Variants in CNTN1 observed in about 807,000 individuals in gnomAD.
CNTN1 encodes contactin 1.
A neutral mutation model predicts 126.4 loss-of-function variants in CNTN1; 38 were observed. The observed-to-expected ratio is 0.30, with a 90% CI of 0.23 to 0.39. The LOEUF (loss-of-function observed/expected upper bound fraction) is 0.39, where lower values mean the gene tolerates loss of function less well. Among genes scored for constraint, CNTN1 ranks in the 10% least tolerant of loss-of-function variants. The probability of loss-of-function intolerance (pLI) is 1.00; values close to 1 mark genes in which losing one functional copy is unlikely to be tolerated. For missense variants in CNTN1, 1,009 were observed against 1,248.4 expected (o/e 0.81, Z 2.89); for synonymous variants, 413 against 422.6 (o/e 0.98, Z 0.28).
chr12:41,016,603 G>A, intron 18 of CNTN1, 79 bp from the exon 19 acceptor site: 1 of 885,994 alleles, frequency 1.1e-6, no homozygotes, highest in Non-Finnish European at 1.9e-6. Context: ...ACGCCTCCGT[G>A]TGTGTCATTA....
intron 1 of CNTN1, among the ~76,000 whole-genome samples, chr12:40,695,130 A>C (rs565493277): frequency 6.6e-6 from 1 of 152,370 alleles, no homozygotes; most frequent in East Asian, 1.9e-4. Context: ...AGTACTTTGC[A>C]GAAAAAGACT....
intron 17 of CNTN1, among the ~76,000 whole-genome samples, chr12:40,996,780 T>C (rs1210557759): frequency 6.6e-6 from 1 of 152,272 alleles, no homozygotes; most frequent in African/African-American, 2.4e-5. Flanking sequence ...TGCCATTTAC[T>C]TGCTTTATTA....
At chr12:40,939,220 C>A (rs1409465789) in intron 11 of CNTN1, 115 bp from the exon 12 acceptor site, 2 of 1,125,406 alleles carry the variant, frequency 1.8e-6, no homozygotes, top group African/African-American at 1.6e-5. Flanking sequence ...ATCATATTTA[C>A]CGAGATTAAT....
intron 3 of CNTN1, among the ~76,000 whole-genome samples, chr12:40,912,855 C>T (rs1157177484): frequency 1.3e-5 from 2 of 152,130 alleles, no homozygotes; most frequent in Admixed American, 1.3e-4. Context: ...TCCCACATAG[C>T]CCCATTAATC....
At chr12:41,023,954 G>A (rs910123246) in intron 20 of CNTN1, among the ~76,000 whole-genome samples, 3 of 152,130 alleles carry the variant, frequency 2.0e-5, no homozygotes, top group Admixed American at 1.3e-4. Flanking sequence ...AGATACAAAC[G>A]TGCTATTTGT....
chr12:41,025,288 G>C lies in CNTN1; in HGVS notation c.2662G>C (p.Gly888Arg). The change falls in exon 21 of 24, where the codon GGG becomes CGG. Residue 888 changes from glycine (G) to arginine (R), a missense_variant. Gly to Arg is a moderately radical substitution (Grantham distance 125, BLOSUM62 -2). Coordinates refer to ENST00000551295, the MANE Select transcript of CNTN1 (RefSeq NM_001843.4). ...AGAAGTCGGGGCCTGCAATAGTGCA[G>C]GGTGTGGACCTCCAAGTGACATGAT... ...FIEVGACNSA[G>R]CGPPSDMIEA... is the part of the protein sequence containing the mutation. The C allele has an allele frequency of 6.2e-7, 1 of 1,613,816 alleles. No homozygotes were observed. The highest frequency in any genetic ancestry group is 8.5e-7 in the Non-Finnish European group (1 of 1,179,732).
At chr12:40,959,976 C>T (rs979144940) in intron 15 of CNTN1, among the ~76,000 whole-genome samples, 2 of 152,072 alleles carry the variant, frequency 1.3e-5, no homozygotes, top group African/African-American at 4.8e-5. Flanking sequence ...CAAAAATACA[C>T]TTTAACTTCC....
chr12:40,975,354 GCAAATGA>G (rs1347634755), intron 15 of CNTN1, among the ~76,000 whole-genome samples: 1 of 151,718 alleles, frequency 6.6e-6, no homozygotes, highest in East Asian at 1.9e-4. Context: ...TAGGGGTGTG[GCAAATGA>G]GACTCTGCAT....
intron 1 of CNTN1, among the ~76,000 whole-genome samples, chr12:40,786,940 A>G: frequency 6.6e-6 from 1 of 152,158 alleles, no homozygotes; most frequent in East Asian, 1.9e-4. Flanking sequence ...TCAGTTTAGC[A>G]CTTCTAATAT....
chr12:40,799,705 G>A (rs1356082769), intron 1 of CNTN1, among the ~76,000 whole-genome samples: 4 of 151,928 alleles, frequency 2.6e-5, no homozygotes, highest in Non-Finnish European at 5.9e-5. Context: ...CATAAAGCAT[G>A]GTGACAGCTT....
At chr12:40,902,171 T>A (rs764477088) in intron 1 of CNTN1, among the ~76,000 whole-genome samples, 1 of 152,208 alleles carries the variant, frequency 6.6e-6, no homozygotes, top group Non-Finnish European at 1.5e-5. Flanking sequence ...TTTATGTACA[T>A]ATGCTGCAAA....
intron 1 of CNTN1, among the ~76,000 whole-genome samples, chr12:40,743,283 ACATTCAAGGACTTTCTT>A (rs374511893): frequency 1.3e-3 from 196 of 152,136 alleles, no homozygotes; most frequent in African/African-American, 4.6e-3. Flanking sequence ...CTTGCTCTAG[ACATTCAAGGACTTTCTT>A]TGTGATGCTA....
intron 1 of CNTN1, among the ~76,000 whole-genome samples, chr12:40,901,043 AC>A (rs1218605000): frequency 6.6e-6 from 1 of 152,212 alleles, no homozygotes; most frequent in Admixed American, 6.5e-5. Context: ...GTAGGAAGTA[AC>A]AAGCATATCT....
At chr12:40,855,133 C>CAAGG (rs1942857479) in intron 1 of CNTN1, among the ~76,000 whole-genome samples, 2 of 152,102 alleles carry the variant, frequency 1.3e-5, no homozygotes, top group African/African-American at 2.4e-5. Context: ...GTGCAGTAAC[C>CAAGG]TTGGATAGAA....
At chr12:40,719,292 G>GT (rs1315140359) in intron 1 of CNTN1, among the ~76,000 whole-genome samples, 8 of 152,120 alleles carry the variant, frequency 5.3e-5, no homozygotes, top group African/African-American at 1.9e-4. Flanking sequence ...TGAATTAATA[G>GT]TTACTTTGAT....
chr12:40,870,837 T>C (rs2218273), intron 1 of CNTN1, among the ~76,000 whole-genome samples: 16,271 of 152,118 alleles, frequency 0.11, 1,087 homozygotes, highest in Admixed American at 0.18. Flanking sequence ...TCATAAATGG[T>C]TGGTCTGAGT....
At chr12:40,944,396 T>A (rs755222380) in intron 14 of CNTN1, among the ~76,000 whole-genome samples, 1 of 152,080 alleles carries the variant, frequency 6.6e-6, no homozygotes, top group Non-Finnish European at 1.5e-5. Flanking sequence ...TCAATTAATA[T>A]TAATTGGGCT....
At chr12:41,004,036 G>T (rs692211) in intron 17 of CNTN1, among the ~76,000 whole-genome samples, 16,594 of 151,880 alleles carry the variant, frequency 0.11, 1,680 homozygotes, top group African/African-American at 0.27. Context: ...TGTGATTTTA[G>T]GTTTTTAACT....
chr12:40,960,693 A>C (rs1947075118), intron 15 of CNTN1, among the ~76,000 whole-genome samples: 1 of 152,146 alleles, frequency 6.6e-6, no homozygotes, highest in South Asian at 2.1e-4. Context: ...TAAGTCAAAC[A>C]AAATTCATTT....
Sources: allele counts gnomAD v4.1 joint callset (sites outside exome capture counted in the v4.1 genomes callset), GRCh38; gene constraint gnomAD v4.1.1; transcripts MANE v1.5; gene names NCBI Gene and HGNC (gene_info 2026-07-23, HGNC 2026-07-21).